Variants in ADAMTSL4 observed in about 807,000 individuals in gnomAD.
ADAMTSL4 encodes the protein ADAMTS like 4, also known as ADAMTS-like protein 4.
In ADAMTSL4, 97 loss-of-function variants were observed where a neutral mutation model predicts 122.8. The ratio of observed to expected loss-of-function variants is 0.79; its 90% CI spans 0.67 to 0.93. The LOEUF is 0.93. Ranked by LOEUF, ADAMTSL4 falls within the 40% of genes least tolerant of loss-of-function variation. The pLI is 0.00. For missense variants in ADAMTSL4, 1,408 were observed against 1,453.5 expected, an observed-to-expected ratio of 0.97 and a Z score of 0.51; for synonymous variants, 592 against 568.0, an observed-to-expected ratio of 1.04 and a Z score of -0.60.
In ADAMTSL4 at chr1:150,557,524, C is replaced by G; in HGVS notation, c.2078C>G (p.Ser693Cys). The change falls in exon 13 of 19, where the codon TCC becomes TGC. Residue 693 changes from serine (S) to cysteine (C), a missense_variant. Ser to Cys is a moderately radical substitution (Grantham distance 112). Transcript: ENST00000271643. ...GVWRPIFLCI[S>C]RESGEELDER... is the part of the protein sequence containing the mutation. ...TGGCGCCCCATTTTCCTCTGCATCTCCCGTGAGTCGGGAGAGGAACTGGAT... is the reference window on the plus strand; with the variant it reads ...TGGCGCCCCATTTTCCTCTGCATCTGCCGTGAGTCGGGAGAGGAACTGGAT... The G allele has an allele frequency of 1.9e-6, 3 of 1,612,718 alleles. No homozygotes were observed. The South Asian group carries it at 3.3e-5, about 18-fold the overall frequency.
rs757197289 is a variant in ADAMTSL4, at chr1:150,554,410, G to C, written c.1177G>C (p.Ala393Pro). ...QPDPRALQCAAFNSQEFMGQL... is the reference protein window; with the variant it reads ...QPDPRALQCAPFNSQEFMGQL... ...AGACCCCCGGGCCCTGCAGTGCGCA[G>C]CCTTTAACTCCCAGGAATTCATGGG... Residue 393 changes from alanine (A) to proline (P), a missense_variant, in exon 7 of 19, where the codon GCC becomes CCC. Ala to Pro is a conservative substitution (Grantham distance 27). Transcript: ENST00000271643. This position sits in a 1 kb window ranked among gnomAD's most constrained non-coding sequence, Gnocchi z 4.0. 1.3e-5 allele frequency: 21 copies of C among 1,613,936 alleles called. No individual in the cohort carries two copies. The highest frequency in any genetic ancestry group is 1.8e-5 in the Non-Finnish European group (21 of 1,180,028).
chr1:150,558,143 G>A lies in ADAMTSL4; in HGVS notation c.2376G>A (p.Trp792Ter). 1 of 1,613,464 alleles carries A rather than the reference G, an allele frequency of 6.2e-7. No individual in the cohort carries two copies. Among genetic ancestry groups the A allele is most frequent in the Non-Finnish European group, 8.5e-7 (1 of 1,180,032 alleles). ...GCCATTGGGAAGTTGGCTCTCCTTG[G>A]AGCCAGGTGAGTTTGCCCAGGCAAG... ...LCGHWEVGSP[W>*]SQCSVRCGRG... Residue 792 changes from tryptophan to a stop codon, truncating the protein, a stop_gained, in exon 14 of 19, where the codon TGG becomes TGA. Coordinates refer to ENST00000271643, the MANE Select transcript of ADAMTSL4 (RefSeq NM_019032.6). LOFTEE classifies it high-confidence loss of function.
Position 150,552,734 on chromosome 1 carries a change from C to A in ADAMTSL4, c.78+134C>A, listed in dbSNP as rs1671551038. On this transcript the variant is annotated intron_variant, in intron 4 of 18. Transcript: ENST00000271643. This position sits in a 1 kb window ranked among gnomAD's most constrained non-coding sequence, Gnocchi z 4.0. ...CACCTCCCCTGCCAACTCCCCAGTT[C>A]CTTGCCTCATAACACCAAGAGGCCG... 3 of 1,336,620 alleles carry A rather than the reference C, an allele frequency of 2.2e-6. No individual in the cohort carries two copies. Among genetic ancestry groups the A allele is most frequent in the Non-Finnish European group, 3.1e-6 (3 of 953,352 alleles). The allele number at this position is 1,336,620 out of a possible 1,614,324, so 82.8% of individuals were successfully genotyped here.
chr1:150,558,662 C>A lies in ADAMTSL4; in HGVS notation c.2559+13C>A, dbSNP rs769565853. ...CTGGAGCTCCAAGGTGAGCCCGGAA[C>A]CCCCAGCCATATCCTGCATCCTGGG... is the stretch of plus-strand genomic sequence containing the variant. On this transcript the variant is annotated intron_variant, in intron 15 of 18. Transcript: ENST00000271643. 3 of 1,613,900 alleles carry A rather than the reference C, an allele frequency of 1.9e-6. No individual in the cohort carries two copies. Among genetic ancestry groups the A allele is most frequent in the Admixed American group, 3.3e-5 (2 of 60,026 alleles).
At position 150,559,283 on chromosome 1, in the gene ADAMTSL4, C is replaced by T. The variant is rs1672547125; in HGVS notation, c.2764-4C>T. 1 of 1,613,920 alleles carries T rather than the reference C, an allele frequency of 6.2e-7. No individual in the cohort carries two copies. The highest frequency in any genetic ancestry group is 8.5e-7 in the Non-Finnish European group (1 of 1,179,990). On this transcript the variant is annotated splice_region_variant and splice_polypyrimidine_tract_variant and intron_variant, in intron 16 of 18. Transcript: ENST00000271643. The surrounding 1 kb of genome is among the most constrained non-coding windows in gnomAD (Gnocchi z 4.1). ...CTCATCACCCTGCCCTCCCCCTACACTAGTGCTCCTCCGAATGTGGCTCTG... is the reference window on the plus strand; with the variant it reads ...CTCATCACCCTGCCCTCCCCCTACATTAGTGCTCCTCCGAATGTGGCTCTG...
chr1:150,559,112 A>G lies in ADAMTSL4; in HGVS notation c.2710A>G (p.Ser904Gly), dbSNP rs150839641. 1.1e-5 allele frequency: 18 copies of G among 1,612,900 alleles called. No individual in the cohort carries two copies. The African/African-American group carries it at 2.3e-4, about 20-fold the overall frequency. The part of the protein sequence containing the change: ...GSRPPDMRAC[S>G]LGPCERTWRW... ...CCGGCCCCCTGACATGCGCGCCTGC[A>G]GCCTGGGGCCCTGTGAGAGAACTTG... is the stretch of plus-strand genomic sequence containing the variant. The change falls in exon 16 of 19, where the codon AGC (serine) becomes GGC (glycine). Residue 904 changes from serine to glycine, a missense_variant. Physicochemically the swap from Ser to Gly is moderately conservative, Grantham distance 56. Coordinates refer to ENST00000271643, the MANE Select transcript of ADAMTSL4 (RefSeq NM_019032.6). This position sits in a 1 kb window ranked among gnomAD's most constrained non-coding sequence, Gnocchi z 4.1.
In ADAMTSL4 at chr1:150,553,967, C is replaced by A. The variant is rs763315253; in HGVS notation, c.976C>A (p.Pro326Thr). The change falls in exon 6 of 19, where the codon CCC (proline) becomes ACC (threonine). Residue 326 changes from proline to threonine, a missense_variant. Pro to Thr is a conservative substitution (Grantham distance 38). Transcript: ENST00000271643. ...PWGTGGTPHGPRLEPDPQHPG... is the reference protein window; with the variant it reads ...PWGTGGTPHGTRLEPDPQHPG... ...GGGAACGGGGGGGACTCCTCACGGG[C>A]CCCGCCTGGAGCCTGACCCTCAGCA... The A allele has an allele frequency of 1.2e-6, 2 of 1,610,438 alleles. No individual in the cohort carries two copies. Among genetic ancestry groups the A allele is most frequent in the South Asian group, 2.2e-5 (2 of 90,830 alleles).
Position 150,556,894 on chromosome 1 carries a change from T to G in ADAMTSL4, c.1750-45T>G. 1.2e-6 allele frequency: 2 copies of G among 1,606,602 alleles called. No homozygotes were observed. The highest frequency in any genetic ancestry group is 3.3e-5 in the Admixed American group (2 of 60,004). On this transcript the variant is annotated intron_variant, in intron 10 of 18. Coordinates refer to ENST00000271643, the MANE Select transcript of ADAMTSL4 (RefSeq NM_019032.6). This position sits in a 1 kb window ranked among gnomAD's most constrained non-coding sequence, Gnocchi z 4.1. ...ATGGGAGAGAGAGCTGGTGGCATCCTCTTCTGGCCACCCCCACATATTCAT... is the reference window on the plus strand; with the variant it reads ...ATGGGAGAGAGAGCTGGTGGCATCCGCTTCTGGCCACCCCCACATATTCAT...
intron 8 of ADAMTSL4, 145 bp downstream of exon 8, chr1:150,555,710 T>G: frequency 8.5e-7 from 1 of 1,170,204 alleles, no homozygotes; most frequent in Non-Finnish European, 1.2e-6. Flanking sequence ...CACAGACACA[T>G]GCACACACGC....
intron 13 of ADAMTSL4, 42 bp downstream of exon 13, chr1:150,557,665 AAC>A: frequency 6.3e-7 from 1 of 1,578,696 alleles, no homozygotes; most frequent in Non-Finnish European, 8.6e-7. Flanking sequence ...GGGTACTGGA[AAC>A]ACAGCAGTTG....
At chr1:150,550,070 T>G (rs1176886392) in intron 2 of ADAMTSL4, 175 bp downstream of exon 2, 5 of 362,856 alleles carry the variant, frequency 1.4e-5, no homozygotes, top group Non-Finnish European at 2.8e-5. Flanking sequence ...CCAACCACTC[T>G]CCAGCAGGGA....
At chr1:150,557,443 G>A (rs1261575653) in intron 12 of ADAMTSL4, 51 bp from the exon 13 acceptor site, 8 of 1,612,024 alleles carry the variant, frequency 5.0e-6, no homozygotes, top group Admixed American at 1.7e-5. Flanking sequence ...GGACACCACT[G>A]AGCTTGGGCT....
Position 150,556,180 on chromosome 1 carries a change from A to G in ADAMTSL4, c.1390A>G (p.Ile464Val). Reference protein sequence around the residue: ...GRCLSPGCDGILGSGRRPDGC... With the variant: ...GRCLSPGCDGVLGSGRRPDGC... ...TCTCCAGAGCCCCGGCTGTGATGGG[A>G]TCCTTGGCTCTGGCAGGCGTCCTGA... The change falls in exon 9 of 19, where the codon ATC becomes GTC. Residue 464 changes from isoleucine to valine, a missense_variant. Transcript: ENST00000271643. The surrounding 1 kb of genome is among the most constrained non-coding windows in gnomAD (Gnocchi z 4.1). 1 of 1,614,050 alleles carries G rather than the reference A, an allele frequency of 6.2e-7. No individual in the cohort carries two copies. The highest frequency in any genetic ancestry group is 8.5e-7 in the Non-Finnish European group (1 of 1,180,008).
In ADAMTSL4 at chr1:150,556,704, G is replaced by A. The variant is rs769048034; in HGVS notation, c.1660G>A (p.Val554Ile). 6.8e-6 allele frequency: 11 copies of A among 1,614,046 alleles called. No individual in the cohort carries two copies. Among genetic ancestry groups the A allele is most frequent in the East Asian group, 2.2e-5 (1 of 44,870 alleles). ...TGGGTCCTACAGGGCCGGCGGGACC[G>A]TCTTTCGATATAACCGTCCTCCCAG... Reference protein sequence around the residue: ...PPGSYRAGGTVFRYNRPPREE... With the variant: ...PPGSYRAGGTIFRYNRPPREE... Residue 554 changes from valine (V) to isoleucine (I), a missense_variant, in exon 10 of 19, where the codon GTC (valine) becomes ATC (isoleucine). By Grantham distance (29) the Val-to-Ile change is conservative. Transcript: ENST00000271643. This position sits in a 1 kb window ranked among gnomAD's most constrained non-coding sequence, Gnocchi z 4.1.
rs587690935 is a variant in ADAMTSL4 at position 150,552,464 on chromosome 1, C to T, written c.21-79C>T. On this transcript the variant is annotated intron_variant, in intron 3 of 18. Transcript: ENST00000271643. The surrounding 1 kb of genome is among the most constrained non-coding windows in gnomAD (Gnocchi z 4.0). ...AAGTTGGTAGTCAGGATATGGGAGC[C>T]GGCTGGGGGCGGAGGGCAGTGTTGC... is the stretch of plus-strand genomic sequence containing the variant. 48 of 1,599,544 alleles carry T rather than the reference C, an allele frequency of 3.0e-5. 1 individual carries two copies. The highest frequency in any genetic ancestry group is 1.8e-4 in the South Asian group (16 of 90,428).
rs111632929 is a variant in ADAMTSL4 at position 150,555,815 on chromosome 1, A to G, written c.1371+250A>G. ...TGTGCACACGTGCATGAACACATGC[A>G]CACACACGTATGCAGACACATGCAC... On this transcript the variant is annotated intron_variant, in intron 8 of 18. Transcript: ENST00000271643. 5,460 of 628,254 alleles carry G rather than the reference A, an allele frequency of 8.7e-3. 185 individuals carry two copies. Among genetic ancestry groups the G allele is most frequent in the African/African-American group, 0.079 (4,324 of 54,824 alleles). The allele number at this position is 628,254 out of a possible 1,614,324, so 38.9% of individuals were successfully genotyped here. A position where few individuals can be genotyped will look rare whatever the true frequency, so the allele number is the denominator to read the frequency against.
intron 12 of ADAMTSL4, 78 bp from the exon 13 acceptor site, chr1:150,557,416 G>A (rs370277888): frequency 1.8e-5 from 29 of 1,607,254 alleles, no homozygotes; most frequent in Middle Eastern, 1.7e-4. Context: ...GTGGGGCCAC[G>A]CCCGACCCTG....
chr1:150,559,829 C>CTGAGG lies in ADAMTSL4; in HGVS notation c.3012_3013insTGAGG (p.Ser1005Ter). 6.2e-7 allele frequency: 1 copy of CTGAGG among 1,614,046 alleles called. No individual in the cohort carries two copies. The highest frequency in any genetic ancestry group is 8.5e-7 in the Non-Finnish European group (1 of 1,180,022). Reference sequence around the variant, plus strand: ...AGTGCCTGAGCACCAACCAGACCCTCAGCACCCGATGCCCTCCTCAACTGC... The same window carrying CTGAGG: ...AGTGCCTGAGCACCAACCAGACCCTCTGAGGAGCACCCGATGCCCTCCTCAACTGC... On this transcript the variant is annotated stop_gained and frameshift_variant, in exon 18 of 19. Transcript: ENST00000271643. LOFTEE classifies it high-confidence loss of function. This position sits in a 1 kb window ranked among gnomAD's most constrained non-coding sequence, Gnocchi z 4.1.
intron 12 of ADAMTSL4, 74 bp from the exon 13 acceptor site, chr1:150,557,420 G>T: frequency 2.5e-6 from 4 of 1,608,792 alleles, no homozygotes; most frequent in Middle Eastern, 1.7e-4. Context: ...GGCCACGCCC[G>T]ACCCTGCGTC....
Sources: allele counts gnomAD v4.1 joint callset, GRCh38; gene constraint gnomAD v4.1.1; non-coding constraint Gnocchi (gnomAD v3.1); transcripts MANE v1.5; gene names NCBI Gene and HGNC (gene_info 2026-07-23, HGNC 2026-07-21).